VSIG10L: variants seen among roughly 807,000 people sequenced by gnomAD.
VSIG10L encodes V-set and immunoglobulin domain containing 10 like.
A neutral mutation model predicts 67.3 loss-of-function variants in VSIG10L; 63 were observed. That is an observed-to-expected ratio of 0.94 (90% CI 0.76 to 1.15). The LOEUF (loss-of-function observed/expected upper bound fraction) is 1.15. VSIG10L is among the 50% of genes most tolerant of loss of function. VSIG10L has a pLI of 0.00. For missense variants in VSIG10L, 1,050 were observed against 1,177.5 expected (o/e 0.89, Z 1.58); for synonymous variants, 499 against 524.9 (o/e 0.95, Z 0.67).
intron 4 of VSIG10L, among the ~76,000 whole-genome samples, chr19:51,339,445 C>A (rs1305410332): frequency 6.6e-6 from 1 of 152,166 alleles, no homozygotes; most frequent in Non-Finnish European, 1.5e-5. Context: ...CAGGTTACTT[C>A]GCCCCCTCCT....
At position 51,341,420 on chromosome 19, in the gene VSIG10L, G is replaced by A. The variant is rs1985634000; in HGVS notation, c.628C>T (p.Pro210Ser). The A allele has an allele frequency of 2.0e-6, 3 of 1,532,780 alleles. No homozygotes were observed. The highest frequency in any genetic ancestry group is 2.6e-6 in the Non-Finnish European group (3 of 1,138,532). The allele number at this position is 1,532,780 out of a possible 1,614,324, so 94.9% of individuals were successfully genotyped here. A position where few individuals can be genotyped will look rare whatever the true frequency, so the allele number is the denominator to read the frequency against. The change falls in exon 2 of 10, where the codon CCC becomes TCC. Residue 210 changes from proline (P) to serine (S), a missense_variant. Around this residue, in one of 3 missense-constraint regions of VSIG10L, gnomAD observed 511 missense variants for 557.9 expected, o/e 0.92. Transcript: ENST00000335624. ...AVLVGTTIRL[P>S]LVPIPNPGPP... Reference sequence around the variant, plus strand: ...CCAGGGTTGGGGATTGGGACTAGGGGGAGCCGGATGGTGGTCCCCACCAGC... The same window carrying A: ...CCAGGGTTGGGGATTGGGACTAGGGAGAGCCGGATGGTGGTCCCCACCAGC...
At position 51,337,836 on chromosome 19, in the gene VSIG10L, A is replaced by C; in HGVS notation, c.2008+94T>G. Reference sequence around the variant, plus strand: ...GCTGGGGGCCTGGATCCGAGGTCTGAGGGAGGAGAGGTCTGGGGCCTGAAC... The same window carrying C: ...GCTGGGGGCCTGGATCCGAGGTCTGCGGGAGGAGAGGTCTGGGGCCTGAAC... On this transcript the variant is annotated intron_variant, in intron 6 of 9. Coordinates refer to ENST00000335624, the MANE Select transcript of VSIG10L (RefSeq NM_001163922.3). 2.8e-6 allele frequency: 4 copies of C among 1,421,624 alleles called. No individual in the cohort carries two copies. In the South Asian group the frequency reaches 5.9e-5, roughly 21 times the overall value. The allele number at this position is 1,421,624 out of a possible 1,614,324, so 88.1% of individuals were successfully genotyped here. A position where few individuals can be genotyped will look rare whatever the true frequency, so the allele number is the denominator to read the frequency against.
Position 51,340,502 on chromosome 19 carries a change from C to T in VSIG10L, c.1120G>A (p.Ala374Thr). The T allele has an allele frequency of 6.5e-7, 1 of 1,530,778 alleles. No individual in the cohort carries two copies. Among genetic ancestry groups the T allele is most frequent in the South Asian group, 1.2e-5 (1 of 83,634 alleles). The allele number at this position is 1,530,778 out of a possible 1,614,324, so 94.8% of individuals were successfully genotyped here. ...CTGCGGACGCGGCAAGTGTACCGGG[C>T]GTGGTCGCTGCGCACAGGGCGCACG... ...LIVRPVRSDHARYTCRVRSPF... is the reference protein window; with the variant it reads ...LIVRPVRSDHTRYTCRVRSPF... The change falls in exon 3 of 10, where the codon GCC becomes ACC. Residue 374 changes from alanine (A) to threonine (T), a missense_variant. This residue lies in a region of VSIG10L where 511 missense variants were observed against 557.9 expected (regional missense o/e 0.92). Transcript: ENST00000335624. This position sits in a 1 kb window ranked among gnomAD's most constrained non-coding sequence, Gnocchi z 6.3.
chr19:51,336,319 G>A (rs1985477651), intron 7 of VSIG10L, among the ~76,000 whole-genome samples: 1 of 152,150 alleles, frequency 6.6e-6, no homozygotes, highest in Non-Finnish European at 1.5e-5. Flanking sequence ...CACTTTGGGA[G>A]GCCAAGGTGT....
In VSIG10L at chr19:51,333,955, A is replaced by T; in HGVS notation, c.2420-10T>A. On this transcript the variant is annotated splice_polypyrimidine_tract_variant and intron_variant, in intron 8 of 9. Coordinates refer to ENST00000335624, the MANE Select transcript of VSIG10L (RefSeq NM_001163922.3). ...TTCTCAGGAGTCTTTCCTGATTGAGAGGCAGAAGAGAAGCAGGAACACGTG... is the reference window on the plus strand; with the variant it reads ...TTCTCAGGAGTCTTTCCTGATTGAGTGGCAGAAGAGAAGCAGGAACACGTG... The T allele has an allele frequency of 6.4e-7, 1 of 1,551,086 alleles. No homozygotes were observed. Among genetic ancestry groups the T allele is most frequent in the South Asian group, 1.2e-5 (1 of 83,950 alleles).
intron 4 of VSIG10L, 165 bp downstream of exon 4, chr19:51,339,850 C>G (rs908601360): frequency 1.1e-6 from 1 of 901,082 alleles, no homozygotes; most frequent in African/African-American, 1.8e-5. Context: ...CGCCCCACCA[C>G]GGGTATCCCA....
chr19:51,337,301 G>A lies in VSIG10L; in HGVS notation c.2242C>T (p.Arg748Trp), dbSNP rs1018134824. Residue 748 changes from arginine (R) to tryptophan (W), a missense_variant, in exon 7 of 10, where the codon CGG (arginine) becomes TGG (tryptophan). By Grantham distance (101) the Arg-to-Trp change is moderately radical. This residue lies in a region of VSIG10L where 529 missense variants were observed against 584.9 expected (regional missense o/e 0.90). Transcript: ENST00000335624. ...PPRNPGTWTF[R>W]ILPILGGQPG... ...TGGCCCCCCAGGATGGGCAGGATCC[G>A]AAAGGTCCAGGTCCCTGGGTTCCGA... 23 of 1,551,524 alleles carry A rather than the reference G, an allele frequency of 1.5e-5. No homozygotes were observed. The East Asian group carries it at 3.4e-4, about 23-fold the overall frequency.
At chr19:51,334,456 C>G (rs901072969) in intron 7 of VSIG10L, among the ~76,000 whole-genome samples, 152 bp from the exon 8 acceptor site, 1 of 152,198 alleles carries the variant, frequency 6.6e-6, no homozygotes, top group Non-Finnish European at 1.5e-5. Context: ...CCCCAGCACT[C>G]TCAACTCATT....
chr19:51,337,977 A>G lies in VSIG10L; in HGVS notation c.1961T>C (p.Leu654Pro). 1 of 1,551,650 alleles carries G rather than the reference A, an allele frequency of 6.4e-7. No individual in the cohort carries two copies. ...GCCAGCACCCAGCGCCCCACTGCACAGCACGGAGTAATTTCCCAGGTCCCA... is the reference window on the plus strand; with the variant it reads ...GCCAGCACCCAGCGCCCCACTGCACGGCACGGAGTAATTTCCCAGGTCCCA... ...LDWDLGNYSVLCSGALGAGGD... is the reference protein window; with the variant it reads ...LDWDLGNYSVPCSGALGAGGD... The change falls in exon 6 of 10, where the codon CTG (leucine) becomes CCG (proline). Residue 654 changes from leucine (L) to proline (P), a missense_variant. Transcript: ENST00000335624.
Position 51,342,115 on chromosome 19 carries a change from G to A in VSIG10L, c.10C>T (p.Pro4Ser). The change falls in exon 1 of 10, where the codon CCA becomes TCA. Residue 4 changes from proline to serine, a missense_variant. By Grantham distance (74) the Pro-to-Ser change is moderately conservative. This residue lies in a region of VSIG10L where 511 missense variants were observed against 557.9 expected (regional missense o/e 0.92). Coordinates refer to ENST00000335624, the MANE Select transcript of VSIG10L (RefSeq NM_001163922.3). The surrounding 1 kb of genome is among the most constrained non-coding windows in gnomAD (Gnocchi z 4.4). ...AGTAGGAAGAGTGGCAGAGCCTGTG[G>A]GTTGTCCATGGTGCTGGCCTCACTG... is the stretch of plus-strand genomic sequence containing the variant. The part of the protein sequence containing the change: MDN[P>S]QALPLFLLLA... 1 of 1,551,602 alleles carries A rather than the reference G, an allele frequency of 6.4e-7. No homozygotes were observed. Among genetic ancestry groups the A allele is most frequent in the Non-Finnish European group, 8.7e-7 (1 of 1,146,966 alleles).
At chr19:51,339,203 C>T in intron 4 of VSIG10L, 61 bp from the exon 5 acceptor site, 1 of 1,263,000 alleles carries the variant, frequency 7.9e-7, no homozygotes, top group Non-Finnish European at 1.0e-6. Flanking sequence ...TCCAGCCCCG[C>T]CTCCCCGCGC....
At position 51,340,220 on chromosome 19, in the gene VSIG10L, G is replaced by GT; in HGVS notation, c.1268dup (p.Asn423LysfsTer81). ...AGGCGGCGGCGCAGCGCAAGGTCAC[G>GT]TTACTGCCCGCGGTGACAAAGCGGG... On this transcript the variant is annotated frameshift_variant, in exon 4 of 10. Coordinates refer to ENST00000335624, the MANE Select transcript of VSIG10L (RefSeq NM_001163922.3). LOFTEE classifies it high-confidence loss of function. The surrounding 1 kb of genome is among the most constrained non-coding windows in gnomAD (Gnocchi z 6.3). 2 of 1,505,118 alleles carry GT rather than the reference G, an allele frequency of 1.3e-6. No individual in the cohort carries two copies. Among genetic ancestry groups the GT allele is most frequent in the South Asian group, 2.5e-5 (2 of 81,422 alleles). 93.2% of individuals were successfully genotyped at this position (1,505,118 alleles called of 1,614,324 possible). A position where few individuals can be genotyped will look rare whatever the true frequency, so the allele number is the denominator to read the frequency against.
At chr19:51,338,535 C>T (rs1452526368) in intron 5 of VSIG10L, among the ~76,000 whole-genome samples, 1 of 152,062 alleles carries the variant, frequency 6.6e-6, no homozygotes, top group Admixed American at 6.5e-5. Context: ...GCCACACTGC[C>T]CAGGCTGGTC....
At position 51,338,107 on chromosome 19, in the gene VSIG10L, C is replaced by T; in HGVS notation, c.1831G>A (p.Ala611Thr). ...GGCCTCCCTTCCCGGGCCCAGGATG[C>T]CCGTGAGGGTGGGGGACAACCAGAG... ...EASGCPPPSRASWAREGRPLA... is the reference protein window; with the variant it reads ...EASGCPPPSRTSWAREGRPLA... Residue 611 changes from alanine (A) to threonine (T), a missense_variant, in exon 6 of 10, where the codon GCA (alanine) becomes ACA (threonine). By Grantham distance (58) the Ala-to-Thr change is moderately conservative. Around this residue, in one of 3 missense-constraint regions of VSIG10L, gnomAD observed 529 missense variants for 584.9 expected, o/e 0.90. Coordinates refer to ENST00000335624, the MANE Select transcript of VSIG10L (RefSeq NM_001163922.3). The T allele has an allele frequency of 1.3e-6, 2 of 1,550,498 alleles. No homozygotes were observed. Among genetic ancestry groups the T allele is most frequent in the Non-Finnish European group, 1.7e-6 (2 of 1,146,498 alleles).
At chr19:51,332,774 G>A in intron 9 of VSIG10L, 134 bp from the exon 10 acceptor site, 1 of 797,768 alleles carries the variant, frequency 1.3e-6, no homozygotes. Flanking sequence ...TTGGAGAGGG[G>A]AAAAAAAATG....
At chr19:51,341,015 C>A in intron 2 of VSIG10L, 138 bp downstream of exon 2, 1 of 1,302,448 alleles carries the variant, frequency 7.7e-7, no homozygotes, top group Non-Finnish European at 1.0e-6. Flanking sequence ...GCCTTGACCT[C>A]TAGCTCTTTT....
Position 51,337,971 on chromosome 19 carries a change from C to G in VSIG10L, c.1967G>C (p.Ser656Thr). ...GTCACCGCCAGCACCCAGCGCCCCACTGCACAGCACGGAGTAATTTCCCAG... is the reference window on the plus strand; with the variant it reads ...GTCACCGCCAGCACCCAGCGCCCCAGTGCACAGCACGGAGTAATTTCCCAG... ...WDLGNYSVLC[S>T]GALGAGGDQI... is the part of the protein sequence containing the mutation. Residue 656 changes from serine to threonine, a missense_variant, in exon 6 of 10, where the codon AGT (serine) becomes ACT (threonine). By Grantham distance (58) the Ser-to-Thr change is moderately conservative (BLOSUM62 1). Around this residue, in one of 3 missense-constraint regions of VSIG10L, gnomAD observed 529 missense variants for 584.9 expected, o/e 0.90. Transcript: ENST00000335624. 1 of 1,551,534 alleles carries G rather than the reference C, an allele frequency of 6.4e-7. No homozygotes were observed. The highest frequency in any genetic ancestry group is 8.7e-7 in the Non-Finnish European group (1 of 1,146,884).
At position 51,340,084 on chromosome 19, in the gene VSIG10L, A is replaced by G. The variant is rs531276046; in HGVS notation, c.1405T>C (p.Tyr469His). Residue 469 changes from tyrosine to histidine, a missense_variant, in exon 4 of 10, where the codon TAC becomes CAC. Tyr to His is a moderately conservative substitution (Grantham distance 83, BLOSUM62 2). This residue lies in a region of VSIG10L where 529 missense variants were observed against 584.9 expected (regional missense o/e 0.90). Transcript: ENST00000335624. This position sits in a 1 kb window ranked among gnomAD's most constrained non-coding sequence, Gnocchi z 6.3. ...CGCGGGTTCGCCGCCAGGCAGGCGT[A>G]GGTGCCTGCGTGGCCCGGTCCGACC... ...PAVGPGHAGT[Y>H]ACLAANPRTG... The G allele has an allele frequency of 3.5e-6, 5 of 1,414,890 alleles. No individual in the cohort carries two copies. Among genetic ancestry groups the G allele is most frequent in the Non-Finnish European group, 4.6e-6 (5 of 1,085,662 alleles). 87.6% of individuals were successfully genotyped at this position (1,414,890 alleles called of 1,614,324 possible).
chr19:51,331,793 TAGAG>T lies in VSIG10L; in HGVS notation c.*814_*817del, dbSNP rs759111617. On this transcript the variant is annotated 3_prime_UTR_variant, in exon 10 of 10. Transcript: ENST00000335624. ...CTCTGCTTTTGTAAAGCCCTTAGTT[TAGAG>T]AGAGAGTCTCAGGCCACACAAGAAA... The T allele has an allele frequency of 1.3e-5, 2 of 152,170 alleles. No homozygotes were observed. Among genetic ancestry groups the T allele is most frequent in the African/African-American group, 2.4e-5 (1 of 41,428 alleles). The allele number at this position is 152,170 out of a possible 1,614,324, so 9.4% of individuals were successfully genotyped here.
Sources: allele counts gnomAD v4.1 joint callset (sites outside exome capture counted in the v4.1 genomes callset), GRCh38; gene constraint gnomAD v4.1.1; regional missense constraint gnomAD v4.1.1; non-coding constraint Gnocchi (gnomAD v3.1); transcripts MANE v1.5; gene names NCBI Gene and HGNC (gene_info 2026-07-23, HGNC 2026-07-21).